The following KLF15 variants were observed in gnomAD, a reference collection of about 807,000 sequenced individuals.
KLF15 encodes the protein KLF transcription factor 15, also known as Krueppel-like factor 15.
KLF15 carries 4 observed loss-of-function variants against 24.6 expected under a neutral mutation model. The ratio of observed to expected loss-of-function variants is 0.16; its 90% CI spans 0.08 to 0.37. The LOEUF is 0.37. Among genes scored for constraint, KLF15 ranks in the 10% least tolerant of loss-of-function variants. The probability of loss-of-function intolerance (pLI) is 1.00; values close to 1 mark genes in which losing one functional copy is unlikely to be tolerated. For missense variants in KLF15, 496 were observed against 560.6 expected (o/e 0.88, Z 1.16); for synonymous variants, 246 against 236.3 (o/e 1.04, Z -0.37).
chr3:126,315,695 T>C, the KLF15 span, among the ~76,000 whole-genome samples: 1 of 152,166 alleles, frequency 6.6e-6, no homozygotes, highest in East Asian at 1.9e-4. Flanking sequence ...GAGACACATT[T>C]TGAGTGAGAG....
chr3:126,332,111 G>A, the KLF15 span, among the ~76,000 whole-genome samples: 3 of 152,230 alleles, frequency 2.0e-5, no homozygotes, highest in Non-Finnish European at 2.9e-5. Context: ...CGCCACCGCT[G>A]GGGGCAGGGC....
intron 2 of KLF15, among the ~76,000 whole-genome samples, chr3:126,348,748 G>A (rs959155005): frequency 6.6e-6 from 1 of 152,240 alleles, no homozygotes; most frequent in Admixed American, 6.5e-5. Flanking sequence ...AGGGAGGCCA[G>A]CGTGGCTGGA....
chr3:126,333,737 C>A, the KLF15 span, among the ~76,000 whole-genome samples: 2 of 131,312 alleles, frequency 1.5e-5, no homozygotes, highest in Non-Finnish European at 1.6e-5. Flanking sequence ...ATCTACCAAG[C>A]AAATGGAAAA....
chr3:126,328,204 C>T, the KLF15 span, among the ~76,000 whole-genome samples: 1 of 152,118 alleles, frequency 6.6e-6, no homozygotes, highest in Admixed American at 6.5e-5. Context: ...TCCTGAGTTA[C>T]TTCACTTAGA....
the KLF15 span, among the ~76,000 whole-genome samples, chr3:126,335,537 C>G: frequency 7.6e-4 from 113 of 148,496 alleles, no homozygotes; most frequent in Middle Eastern, 3.6e-3. Context: ...CCTCTCTCAC[C>G]ACTCCTATTC....
At chr3:126,338,469 A>G (rs561541015), downstream of KLF15, among the ~76,000 whole-genome samples, 59 of 152,194 alleles carry the variant, frequency 3.9e-4, no homozygotes, top group African/African-American at 1.4e-3. Flanking sequence ...TCACCAATTA[A>G]CCCTACAGAA....
At chr3:126,301,115 T>C in the KLF15 span, among the ~76,000 whole-genome samples, 1 of 152,096 alleles carries the variant, frequency 6.6e-6, no homozygotes, top group African/African-American at 2.4e-5. Context: ...GCTAAATCAG[T>C]GAATGCTCTG....
At chr3:126,351,134 T>TC (rs1029305513) in intron 2 of KLF15, among the ~76,000 whole-genome samples, 2 of 152,170 alleles carry the variant, frequency 1.3e-5, no homozygotes, top group African/African-American at 2.4e-5. Context: ...AGGCCTGATT[T>TC]CCCCACTGCC....
chr3:126,327,985 G>A, the KLF15 span, among the ~76,000 whole-genome samples: 1 of 152,124 alleles, frequency 6.6e-6, no homozygotes, highest in South Asian at 2.1e-4. Flanking sequence ...GGTTGCATGT[G>A]TAAGTTCTTT....
the KLF15 span, among the ~76,000 whole-genome samples, chr3:126,294,864 T>TACACACAC: frequency 1.6e-3 from 232 of 141,964 alleles, 1 homozygote; most frequent in Middle Eastern, 7.5e-3. Flanking sequence ...TGCCCCTCCA[T>TACACACAC]ACACACACAC....
chr3:126,319,859 G>A, the KLF15 span, among the ~76,000 whole-genome samples: 1 of 152,184 alleles, frequency 6.6e-6, no homozygotes, highest in African/African-American at 2.4e-5. Flanking sequence ...GTGCAGGGGA[G>A]GGGGAACTGG....
the KLF15 span, among the ~76,000 whole-genome samples, chr3:126,319,811 G>A: frequency 6.6e-6 from 1 of 152,148 alleles, no homozygotes; most frequent in Non-Finnish European, 1.5e-5. Context: ...GCCTGCCAGA[G>A]GCATGATCAA....
At chr3:126,292,939 G>A in the KLF15 span, among the ~76,000 whole-genome samples, 2 of 152,098 alleles carry the variant, frequency 1.3e-5, no homozygotes, top group African/African-American at 4.8e-5. Flanking sequence ...AAGGGGCAGA[G>A]GGGGAAAAAG....
the KLF15 span, among the ~76,000 whole-genome samples, chr3:126,321,266 C>T: frequency 6.6e-6 from 1 of 152,208 alleles, no homozygotes; most frequent in African/African-American, 2.4e-5. Flanking sequence ...AGAATCGCCC[C>T]TGAACTCTCA....
the KLF15 span, among the ~76,000 whole-genome samples, chr3:126,307,369 C>T: frequency 2.6e-5 from 4 of 152,154 alleles, no homozygotes; most frequent in East Asian, 5.8e-4. Flanking sequence ...CTCTGGGAGG[C>T]GGACTGGGGA....
In KLF15 at chr3:126,352,289, T is replaced by C. The variant is rs753201099; in HGVS notation, c.634A>G (p.Thr212Ala). Residue 212 changes from threonine (T) to alanine (A), a missense_variant, in exon 2 of 3, where the codon ACG becomes GCG. Coordinates refer to ENST00000296233, the MANE Select transcript of KLF15 (RefSeq NM_014079.4). ...AACACTGGGATGGGGCCATCAGGCG[T>C]GGGGCCCCCACCTGGGCCCTGGGCA... ...GGAQGPGGGP[T>A]PDGPIPVLLQ... 6.5e-7 allele frequency: 1 copy of C among 1,546,146 alleles called. No individual in the cohort carries two copies. The highest frequency in any genetic ancestry group is 8.7e-7 in the Non-Finnish European group (1 of 1,149,630).
the KLF15 span, among the ~76,000 whole-genome samples, chr3:126,308,997 A>G: frequency 2.0e-5 from 3 of 152,142 alleles, no homozygotes; most frequent in Admixed American, 6.5e-5. Context: ...GGGGAGAGAG[A>G]GAAAGGATGT....
chr3:126,304,942 A>T, the KLF15 span, among the ~76,000 whole-genome samples: 1 of 152,250 alleles, frequency 6.6e-6, no homozygotes, highest in Non-Finnish European at 1.5e-5. Flanking sequence ...GGGCACATGG[A>T]TGTCCAAGTA....
At chr3:126,349,508 C>A (rs1046101825) in intron 2 of KLF15, among the ~76,000 whole-genome samples, 4 of 152,190 alleles carry the variant, frequency 2.6e-5, no homozygotes, top group Non-Finnish European at 4.4e-5. Flanking sequence ...TCATGTACAC[C>A]CCCTGCCATG....
Sources: allele counts gnomAD v4.1 joint callset (sites outside exome capture counted in the v4.1 genomes callset), GRCh38; gene constraint gnomAD v4.1.1; transcripts MANE v1.5; gene names NCBI Gene and HGNC (gene_info 2026-07-23, HGNC 2026-07-21).